The following SMARCC1 variants were observed in gnomAD, a reference collection of about 807,000 sequenced individuals.
The protein encoded by SMARCC1 is SWI/SNF complex subunit SMARCC1.
SMARCC1 carries 43 observed loss-of-function variants against 147.4 expected under a neutral mutation model. That is an observed-to-expected ratio of 0.29 (90% confidence interval 0.23 to 0.38). The LOEUF (loss-of-function observed/expected upper bound fraction) is 0.38. Ranked by LOEUF, SMARCC1 falls within the 10% of genes least tolerant of loss-of-function variation. The pLI, the probability that SMARCC1 is intolerant of heterozygous loss-of-function variation, is 1.00. For missense variants in SMARCC1, 1,119 were observed against 1,381.1 expected (o/e 0.81, Z 3.01); for synonymous variants, 495 against 484.4 (o/e 1.02, Z -0.29).
chr3:47,668,219 G>GT (rs1453317544), intron 19 of SMARCC1, among the ~76,000 whole-genome samples: 1 of 151,896 alleles, frequency 6.6e-6, no homozygotes, highest in Non-Finnish European at 1.5e-5. Flanking sequence ...GTGCTGTTTT[G>GT]TTTTTTTACC....
At chr3:47,590,497 G>A (rs1229107401) in intron 27 of SMARCC1, among the ~76,000 whole-genome samples, 164 bp downstream of exon 27, 2 of 152,184 alleles carry the variant, frequency 1.3e-5, no homozygotes, top group Admixed American at 6.5e-5. Context: ...CATCAGGGGT[G>A]CTGAAGAACA....
intron 12 of SMARCC1, among the ~76,000 whole-genome samples, chr3:47,690,405 T>C (rs1010405561): frequency 1.8e-4 from 28 of 152,164 alleles, no homozygotes; most frequent in African/African-American, 6.8e-4. Context: ...TCTGAAAAGG[T>C]GGCCTTTAAG....
rs1312372993 is a variant in SMARCC1 at position 47,635,203 on chromosome 3, G to A, written c.2633C>T (p.Ala878Val). ...TAAAAALASA[A>V]TKAKHLAAVE... The stretch of plus-strand genomic sequence containing the variant: ...TCAGGGGCAAACCTTGGCTTTGGTA[G>A]CCGCTGAGGCAAGAGCAGCTGCTGC... Residue 878 changes from alanine (A) to valine (V), a missense_variant, in exon 24 of 28, where the codon GCT becomes GTT. Transcript: ENST00000254480. The A allele has an allele frequency of 6.2e-7, 1 of 1,613,708 alleles. No homozygotes were observed. The highest frequency in any genetic ancestry group is 8.5e-7 in the Non-Finnish European group (1 of 1,179,970).
chr3:47,717,356 A>G (rs2034168175), intron 7 of SMARCC1, among the ~76,000 whole-genome samples: 1 of 152,194 alleles, frequency 6.6e-6, no homozygotes, highest in Admixed American at 6.5e-5. Context: ...GTGGTAAACG[A>G]AACATGACAA....
intron 22 of SMARCC1, among the ~76,000 whole-genome samples, chr3:47,638,499 T>C (rs553193110): frequency 2.0e-5 from 3 of 152,326 alleles, no homozygotes; most frequent in Admixed American, 2.0e-4. Context: ...AAATTAGATG[T>C]TTAAAATATA....
At chr3:47,715,462 T>A (rs1388744415) in intron 7 of SMARCC1, among the ~76,000 whole-genome samples, 4 of 152,200 alleles carry the variant, frequency 2.6e-5, no homozygotes, top group Non-Finnish European at 5.9e-5. Context: ...TCAAACCAAC[T>A]GCAAATGTGA....
chr3:47,656,134 C>G (rs1166493198), intron 21 of SMARCC1, among the ~76,000 whole-genome samples: 1 of 152,016 alleles, frequency 6.6e-6, no homozygotes, highest in Non-Finnish European at 1.5e-5. Flanking sequence ...GCGCTTGAAC[C>G]TGGGAGGCGG....
chr3:47,664,938 T>C (rs2033403297), intron 19 of SMARCC1, among the ~76,000 whole-genome samples: 1 of 152,236 alleles, frequency 6.6e-6, no homozygotes, highest in Non-Finnish European at 1.5e-5. Context: ...AGATTGAGCT[T>C]TCTATAACAA....
chr3:47,636,202 A>G lies in SMARCC1; in HGVS notation c.2377-66T>C, dbSNP rs142790234. On this transcript the variant is annotated intron_variant, in intron 22 of 27. Coordinates refer to ENST00000254480, the MANE Select transcript of SMARCC1 (RefSeq NM_003074.4). ...AAAACCCCAGACCTTTTTATGAGTAATTATCTTAGACTAGCAAAAGGTTCC... is the reference window on the plus strand; with the variant it reads ...AAAACCCCAGACCTTTTTATGAGTAGTTATCTTAGACTAGCAAAAGGTTCC... 1.3e-3 allele frequency: 1,035 copies of G among 805,242 alleles called. 7 individuals carry two copies. The African/African-American group carries it at 0.013, about 10-fold the overall frequency. The allele number at this position is 805,242 out of a possible 1,614,324, so 49.9% of individuals were successfully genotyped here. A position where few individuals can be genotyped will look rare whatever the true frequency, so the allele number is the denominator to read the frequency against.
intron 3 of SMARCC1, among the ~76,000 whole-genome samples, chr3:47,741,258 A>G (rs1274963604): frequency 6.6e-6 from 1 of 151,756 alleles, no homozygotes; most frequent in African/African-American, 2.4e-5. Flanking sequence ...AGAGTTAGTC[A>G]TATCAACCAA....
At chr3:47,733,723 G>A (rs1434042486) in intron 5 of SMARCC1, among the ~76,000 whole-genome samples, 1 of 151,804 alleles carries the variant, frequency 6.6e-6, no homozygotes, top group Non-Finnish European at 1.5e-5. Context: ...AATTAGCAAG[G>A]CGTGGTGGTG....
At chr3:47,745,745 G>A (rs936988778) in intron 3 of SMARCC1, among the ~76,000 whole-genome samples, 163 bp downstream of exon 3, 7 of 152,058 alleles carry the variant, frequency 4.6e-5, no homozygotes, top group African/African-American at 9.7e-5. Context: ...AAATAAATAC[G>A]TGGTTGCTTG....
At chr3:47,598,839 AAAAAAAAAAAAAG>A (rs2032340438) in intron 26 of SMARCC1, among the ~76,000 whole-genome samples, 1 of 140,528 alleles carries the variant, frequency 7.1e-6, no homozygotes, top group Non-Finnish European at 1.5e-5. Flanking sequence ...AAAAAAAAAA[AAAAAAAAAAAAAG>A]AGAGAGAGAG....
In SMARCC1 at chr3:47,639,540, T is replaced by C. The variant is rs1422145947; in HGVS notation, c.2321-760A>G. Among the ~76,000 whole-genome samples, 6 of 152,070 alleles carry C rather than the reference T, an allele frequency of 3.9e-5. No homozygotes were observed. The East Asian group carries it at 5.8e-4, about 15-fold the overall frequency. ...CAGCCTGGCCAACTTGGTGAAACCC[T>C]GTTTCTACTAAAAATACAAAAAAAT... On this transcript the variant is annotated intron_variant, in intron 21 of 27. Transcript: ENST00000254480.
chr3:47,638,980 T>C (rs1327867994), intron 21 of SMARCC1, among the ~76,000 whole-genome samples, 200 bp from the exon 22 acceptor site: 1 of 152,082 alleles, frequency 6.6e-6, no homozygotes, highest in Non-Finnish European at 1.5e-5. Context: ...AAAAGTAATC[T>C]ATGGTGTCAG....
chr3:47,753,712 C>CAAAAAAA (rs71070226), intron 2 of SMARCC1, among the ~76,000 whole-genome samples: 12 of 69,526 alleles, frequency 1.7e-4, no homozygotes, highest in Admixed American at 5.8e-4. Context: ...AACTCCATCT[C>CAAAAAAA]AAAAAAAAAA....
chr3:47,730,819 T>C (rs921505617), intron 5 of SMARCC1, among the ~76,000 whole-genome samples: 4 of 151,752 alleles, frequency 2.6e-5, no homozygotes, highest in African/African-American at 2.4e-5. Flanking sequence ...TGAGCCGAGA[T>C]TGCGCCATTG....
intron 2 of SMARCC1, among the ~76,000 whole-genome samples, chr3:47,766,608 T>A (rs2034843880): frequency 6.6e-6 from 1 of 152,110 alleles, no homozygotes; most frequent in Admixed American, 6.6e-5. Context: ...ATCCTATTAT[T>A]ACAATTATGT....
chr3:47,604,312 C>T, intron 26 of SMARCC1: 1 of 456,696 alleles, frequency 2.2e-6, no homozygotes, highest in Middle Eastern at 3.3e-4. Context: ...ATAAATCTGC[C>T]TAGTCCCTCC....
Sources: allele counts gnomAD v4.1 joint callset (sites outside exome capture counted in the v4.1 genomes callset), GRCh38; gene constraint gnomAD v4.1.1; transcripts MANE v1.5; gene names NCBI Gene and HGNC (gene_info 2026-07-23, HGNC 2026-07-21).